The following ARHGAP12 variants were observed in gnomAD, a reference collection of about 807,000 sequenced individuals.
ARHGAP12 encodes the protein rho GTPase-activating protein 12.
ARHGAP12 carries 64 observed loss-of-function variants against 108.6 expected under a neutral mutation model. The observed-to-expected ratio is 0.59, with a 90% CI of 0.48 to 0.73. ARHGAP12 has a LOEUF of 0.73. Among genes scored for constraint, ARHGAP12 ranks in the 30% least tolerant of loss-of-function variants. ARHGAP12 has a pLI of 0.00. For synonymous variants in ARHGAP12, 312 were observed against 337.2 expected, an observed-to-expected ratio of 0.93 and a Z score of 0.82; for missense variants, 940 against 1,005.9, an observed-to-expected ratio of 0.93 and a Z score of 0.89.
At chr10:31,837,137 T>C (rs1387143782) in intron 9 of ARHGAP12, among the ~76,000 whole-genome samples, 1 of 152,196 alleles carries the variant, frequency 6.6e-6, no homozygotes, top group Admixed American at 6.5e-5. Context: ...TAGGATTACT[T>C]AGGAATTCTC....
chr10:31,843,847 T>C (rs1592279853), intron 6 of ARHGAP12, among the ~76,000 whole-genome samples: 1 of 152,310 alleles, frequency 6.6e-6, no homozygotes, highest in South Asian at 2.1e-4. Context: ...AGTCTAAGTT[T>C]TGTCAACTGT....
chr10:31,893,502 C>T (rs1373240694), intron 3 of ARHGAP12, among the ~76,000 whole-genome samples: 5 of 152,040 alleles, frequency 3.3e-5, no homozygotes, highest in South Asian at 4.1e-4. Context: ...CTAGAAGAAA[C>T]GGATAAATTC....
At chr10:31,835,247 T>C (rs938316374) in intron 9 of ARHGAP12, among the ~76,000 whole-genome samples, 3 of 151,792 alleles carry the variant, frequency 2.0e-5, no homozygotes, top group African/African-American at 7.2e-5. Flanking sequence ...TTTTATTTCA[T>C]ACTATTTAGT....
chr10:31,865,237 TAG>T (rs1243487190), intron 3 of ARHGAP12, among the ~76,000 whole-genome samples: 1 of 152,152 alleles, frequency 6.6e-6, no homozygotes, highest in East Asian at 1.9e-4. Context: ...TTACAGATTT[TAG>T]AGAGACGCAA....
chr10:31,879,048 G>C (rs146337671), intron 3 of ARHGAP12, among the ~76,000 whole-genome samples: 62 of 152,278 alleles, frequency 4.1e-4, no homozygotes, highest in African/African-American at 1.4e-3. Context: ...AGGTCAAAGT[G>C]TCACTTTATC....
chr10:31,925,689 C>T (rs1481501592), intron 1 of ARHGAP12, among the ~76,000 whole-genome samples: 1 of 152,188 alleles, frequency 6.6e-6, no homozygotes, highest in African/African-American at 2.4e-5. Flanking sequence ...CTAAAATTTA[C>T]ATTCTCAAGG....
intron 9 of ARHGAP12, among the ~76,000 whole-genome samples, chr10:31,834,214 T>G (rs1356716172): frequency 6.6e-6 from 1 of 152,224 alleles, no homozygotes; most frequent in Non-Finnish European, 1.5e-5. Flanking sequence ...TGCCTCAGTT[T>G]GTTTGCCTTA....
chr10:31,904,634 A>G (rs1332924602), intron 3 of ARHGAP12, among the ~76,000 whole-genome samples: 1 of 151,816 alleles, frequency 6.6e-6, no homozygotes, highest in Non-Finnish European at 1.5e-5. Context: ...CCAAATTATT[A>G]TTATTATTTT....
At chr10:31,928,368 G>T (rs1840152196) in intron 1 of ARHGAP12, among the ~76,000 whole-genome samples, 1 of 151,894 alleles carries the variant, frequency 6.6e-6, no homozygotes, top group African/African-American at 2.4e-5. Context: ...CCCTCACACA[G>T]GAAGTCAGGA....
At chr10:31,858,004 G>C (rs1364434135) in intron 4 of ARHGAP12, among the ~76,000 whole-genome samples, 2 of 152,136 alleles carry the variant, frequency 1.3e-5, no homozygotes, top group Non-Finnish European at 2.9e-5. Flanking sequence ...AGGAGTTCAA[G>C]ACCAGCCTGG....
At chr10:31,829,302 A>G (rs1172236814) in intron 10 of ARHGAP12, among the ~76,000 whole-genome samples, 1 of 152,190 alleles carries the variant, frequency 6.6e-6, no homozygotes, top group Admixed American at 6.6e-5. Flanking sequence ...AAAATCACAG[A>G]AACAGCAGAA....
chr10:31,885,260 G>A (rs1838149609), intron 3 of ARHGAP12, among the ~76,000 whole-genome samples: 1 of 152,018 alleles, frequency 6.6e-6, no homozygotes, highest in African/African-American at 2.4e-5. Flanking sequence ...CTACTTCCTT[G>A]ACTTCTTAAC....
At chr10:31,814,096 C>T (rs1835113592) in intron 14 of ARHGAP12, among the ~76,000 whole-genome samples, 163 bp downstream of exon 14, 1 of 152,100 alleles carries the variant, frequency 6.6e-6, no homozygotes, top group Non-Finnish European at 1.5e-5. Context: ...AATGAGTTAA[C>T]AAGAAGAAAG....
intron 6 of ARHGAP12, among the ~76,000 whole-genome samples, chr10:31,845,133 CTAATG>C (rs369033385): frequency 2.6e-4 from 39 of 152,238 alleles, no homozygotes; most frequent in African/African-American, 9.1e-4. Context: ...GCTACTGCTG[CTAATG>C]TAAATAGTAT....
At chr10:31,873,350 A>G (rs1357594799) in intron 3 of ARHGAP12, among the ~76,000 whole-genome samples, 2 of 152,246 alleles carry the variant, frequency 1.3e-5, no homozygotes, top group Non-Finnish European at 2.9e-5. Context: ...TTGAAAAAGT[A>G]GATTTATATA....
chr10:31,835,017 G>A (rs1055321795), intron 9 of ARHGAP12, among the ~76,000 whole-genome samples: 1 of 151,822 alleles, frequency 6.6e-6, no homozygotes, highest in African/African-American at 2.4e-5. Context: ...TGGCTAAGAT[G>A]GTAAAACCCC....
At chr10:31,919,187 C>G (rs1330705514) in intron 1 of ARHGAP12, among the ~76,000 whole-genome samples, 1 of 152,046 alleles carries the variant, frequency 6.6e-6, no homozygotes, top group African/African-American at 2.4e-5. Context: ...TTCATAAAGA[C>G]AGAAAGCAGA....
chr10:31,859,002 C>T, intron 4 of ARHGAP12, among the ~76,000 whole-genome samples: 1 of 152,100 alleles, frequency 6.6e-6, no homozygotes, highest in East Asian at 1.9e-4. Context: ...GGAGTGAAAG[C>T]AGTGGTACTA....
chr10:31,890,967 A>G (rs1247494427), intron 3 of ARHGAP12, among the ~76,000 whole-genome samples: 1 of 152,206 alleles, frequency 6.6e-6, no homozygotes, highest in Non-Finnish European at 1.5e-5. Flanking sequence ...ATATGTATAT[A>G]TATTTAACAC....
Sources: gnomAD v4.1 joint callset for allele counts (sites outside exome capture counted in the v4.1 genomes callset) on GRCh38, gnomAD v4.1.1 for gene constraint, MANE v1.5 for transcripts, NCBI Gene and HGNC (gene_info 2026-07-23, HGNC 2026-07-21) for gene names.